Variants in DSG3 observed in about 807,000 individuals in gnomAD.
DSG3 encodes desmoglein 3.
DSG3 carries 63 observed loss-of-function variants against 85.9 expected under a neutral mutation model. The observed-to-expected ratio is 0.73, with a 90% CI of 0.60 to 0.90. DSG3 has a LOEUF of 0.90. Among genes scored for constraint, DSG3 ranks in the 40% least tolerant of loss-of-function variants. DSG3 has a pLI of 0.00. For missense variants in DSG3, 1,220 were observed against 1,219.9 expected (o/e 1.00, Z 0.00); for synonymous variants, 447 against 441.9 (o/e 1.01, Z -0.14).
At chr18:31,453,816 C>T (rs971301227) in intron 1 of DSG3, among the ~76,000 whole-genome samples, 16 of 151,972 alleles carry the variant, frequency 1.1e-4, no homozygotes, top group East Asian at 5.8e-4. Context: ...TCATTCAAAT[C>T]GTCAGAAAAC....
intron 12 of DSG3, among the ~76,000 whole-genome samples, chr18:31,471,131 AT>A (rs1415093644): frequency 6.6e-6 from 1 of 152,214 alleles, no homozygotes; most frequent in Non-Finnish European, 1.5e-5. Flanking sequence ...TGAAGGTCAG[AT>A]TTCGAGCTGT....
At chr18:31,451,901 T>G (rs377419729) in intron 1 of DSG3, among the ~76,000 whole-genome samples, 2 of 152,204 alleles carry the variant, frequency 1.3e-5, no homozygotes, top group Admixed American at 1.3e-4. Flanking sequence ...TAGCCTAAGG[T>G]GAGGCCTTGC....
chr18:31,467,131 A>G (rs1356013080), intron 11 of DSG3, among the ~76,000 whole-genome samples: 1 of 152,186 alleles, frequency 6.6e-6, no homozygotes, highest in Non-Finnish European at 1.5e-5. Flanking sequence ...ATCTGAGTTC[A>G]GGAGTTTGAC....
chr18:31,457,565 CTT>C (rs780634132), intron 3 of DSG3, among the ~76,000 whole-genome samples: 1,150 of 105,092 alleles, frequency 0.011, 17 homozygotes, highest in African/African-American at 0.035. Flanking sequence ...TTCTTTCTTT[CTT>C]TCTTTCTTTC....
chr18:31,465,002 C>T (rs533718232), intron 9 of DSG3, among the ~76,000 whole-genome samples: 1 of 151,766 alleles, frequency 6.6e-6, no homozygotes, highest in East Asian at 1.9e-4. Flanking sequence ...CGTGGTGGTG[C>T]ACACCTGTAA....
chr18:31,448,417 T>A (rs2072691604), intron 1 of DSG3, among the ~76,000 whole-genome samples: 1 of 152,118 alleles, frequency 6.6e-6, no homozygotes, highest in Non-Finnish European at 1.5e-5. Context: ...CTAGAGAAGT[T>A]GGGAGGATTA....
Position 31,454,627 on chromosome 18 carries a change from G to A in DSG3, c.49-1813G>A, listed in dbSNP as rs949517041. Among the ~76,000 whole-genome samples, 3 of 150,938 alleles carry A rather than the reference G, an allele frequency of 2.0e-5. No homozygotes were observed. In the South Asian group the frequency reaches 6.3e-4, roughly 32 times the overall value. Reference sequence around the variant, plus strand: ...AGCAACCATAGTCTTTTGCCAAATAGAAATCTAAATTGACTGTCATATAAT... The same window carrying A: ...AGCAACCATAGTCTTTTGCCAAATAAAAATCTAAATTGACTGTCATATAAT... On this transcript the variant is annotated intron_variant, in intron 1 of 15. Coordinates refer to ENST00000257189, the MANE Select transcript of DSG3 (RefSeq NM_001944.3).
In DSG3 at chr18:31,476,293, T is replaced by G. The variant is rs1178681124; in HGVS notation, c.*33T>G. Reference sequence around the variant, plus strand: ...GAGCTGGAATACCACACTGACCAAATCTGGATCTTTGGACTAAAGTATTCA... The same window carrying G: ...GAGCTGGAATACCACACTGACCAAAGCTGGATCTTTGGACTAAAGTATTCA... On this transcript the variant is annotated 3_prime_UTR_variant, in exon 16 of 16. Transcript: ENST00000257189. 2 of 1,564,756 alleles carry G rather than the reference T, an allele frequency of 1.3e-6. No homozygotes were observed. Among genetic ancestry groups the G allele is most frequent in the Non-Finnish European group, 1.7e-6 (2 of 1,156,146 alleles).
chr18:31,456,485 GA>G lies in DSG3; in HGVS notation c.84+15del. The G allele has an allele frequency of 1.5e-6, 2 of 1,321,356 alleles. No individual in the cohort carries two copies. Among genetic ancestry groups the G allele is most frequent in the South Asian group, 5.8e-5 (2 of 34,510 alleles). The allele number at this position is 1,321,356 out of a possible 1,614,324, so 81.9% of individuals were successfully genotyped here. A position where few individuals can be genotyped will look rare whatever the true frequency, so the allele number is the denominator to read the frequency against. ...AGAATTGCGAATAGAGGTAAAGTAT[GA>G]AAAAGGTTTTTGTACTTAAAATAAT... On this transcript the variant is annotated intron_variant, in intron 2 of 15. Coordinates refer to ENST00000257189, the MANE Select transcript of DSG3 (RefSeq NM_001944.3).
At chr18:31,474,058 A>G in intron 14 of DSG3, 63 bp from the exon 15 acceptor site, 2 of 1,542,242 alleles carry the variant, frequency 1.3e-6, no homozygotes, top group Non-Finnish European at 1.8e-6. Context: ...CCCAAGACCC[A>G]TTTTATAAAA....
chr18:31,465,598 T>A (rs1290261805), intron 10 of DSG3, 141 bp downstream of exon 10: 6 of 764,764 alleles, frequency 7.8e-6, no homozygotes, highest in Non-Finnish European at 1.1e-5. Context: ...GCCTCAAGTT[T>A]GAGGCAGCTG....
rs1305561025 is a variant in DSG3, at chr18:31,459,996, T to C, written c.669T>C (p.Asn223=). Residue 223 remains asparagine, a synonymous_variant, in exon 6 of 16, where the codon AAT becomes AAC. Coordinates refer to ENST00000257189, the MANE Select transcript of DSG3 (RefSeq NM_001944.3). ...CTGGGGAAGTCCGTACTTTGACCAA[T>C]TCTCTTGACCGAGAGGTACAGCAAA... ...RNTGEVRTLT[N]SLDREQASSY... The C allele has an allele frequency of 6.2e-7, 1 of 1,613,584 alleles. No homozygotes were observed. The highest frequency in any genetic ancestry group is 1.3e-5 in the African/African-American group (1 of 74,894).
At chr18:31,457,691 G>A (rs986548864) in intron 3 of DSG3, among the ~76,000 whole-genome samples, 9 of 150,038 alleles carry the variant, frequency 6.0e-5, no homozygotes, top group African/African-American at 2.0e-4. Context: ...GCTGTGGCGC[G>A]ATCTCAGCTC....
intron 1 of DSG3, among the ~76,000 whole-genome samples, chr18:31,455,021 C>CAA (rs541940386): frequency 4.3e-5 from 4 of 94,054 alleles, no homozygotes; most frequent in Non-Finnish European, 7.3e-5. Flanking sequence ...AACTCCGTCT[C>CAA]AAAAAAAAAA....
At chr18:31,466,240 CTGA>C (rs2072817534) in intron 10 of DSG3, among the ~76,000 whole-genome samples, 1 of 152,026 alleles carries the variant, frequency 6.6e-6, no homozygotes, top group Admixed American at 6.5e-5. Flanking sequence ...TATTTTTGTG[CTGA>C]TTTTATTTGA....
rs957773409 is a variant in DSG3, at chr18:31,447,908, G to A, written c.31G>A (p.Ala11Thr). 1.3e-6 allele frequency: 2 copies of A among 1,586,764 alleles called. No individual in the cohort carries two copies. The highest frequency in any genetic ancestry group is 1.1e-5 in the South Asian group (1 of 87,512). ...GGGGCTCTTCCCCAGAACTACAGGGGCTCTGGCCATCTTCGTGGTAAGTCC... is the reference window on the plus strand; with the variant it reads ...GGGGCTCTTCCCCAGAACTACAGGGACTCTGGCCATCTTCGTGGTAAGTCC... MMGLFPRTTG[A>T]LAIFVVVILV... The change falls in exon 1 of 16, where the codon GCT becomes ACT. Residue 11 changes from alanine (A) to threonine (T), a missense_variant. Coordinates refer to ENST00000257189, the MANE Select transcript of DSG3 (RefSeq NM_001944.3).
Position 31,469,097 on chromosome 18 carries a change from G to A in DSG3, c.1645G>A (p.Ala549Thr), listed in dbSNP as rs2072838977. 2 of 1,613,188 alleles carry A rather than the reference G, an allele frequency of 1.2e-6. No individual in the cohort carries two copies. The highest frequency in any genetic ancestry group is 2.2e-5 in the South Asian group (2 of 91,052). Residue 549 changes from alanine to threonine, a missense_variant, in exon 12 of 16, where the codon GCC (alanine) becomes ACC (threonine). Ala to Thr is a moderately conservative substitution (Grantham distance 58). Coordinates refer to ENST00000257189, the MANE Select transcript of DSG3 (RefSeq NM_001944.3). ...TGATTCTTTCTCTACAGCTACCTCG[G>A]CCCTCCTCAGAGCCCAGGAACAGAT... The part of the protein sequence containing the change: ...WSITTLNATS[A>T]LLRAQEQIPP...
Position 31,457,139 on chromosome 18 carries a change from C to A in DSG3, c.216+15C>A. Reference sequence around the variant, plus strand: ...CAATTGCCAAGGTAAGTTATATCAACAGGAGCGTATGAGTTTTTAGAATAA... The same window carrying A: ...CAATTGCCAAGGTAAGTTATATCAAAAGGAGCGTATGAGTTTTTAGAATAA... On this transcript the variant is annotated intron_variant, in intron 3 of 15. Coordinates refer to ENST00000257189, the MANE Select transcript of DSG3 (RefSeq NM_001944.3). 1 of 1,603,868 alleles carries A rather than the reference C, an allele frequency of 6.2e-7. No homozygotes were observed. The highest frequency in any genetic ancestry group is 8.5e-7 in the Non-Finnish European group (1 of 1,177,020).
chr18:31,454,673 G>GTTTTT, intron 1 of DSG3, among the ~76,000 whole-genome samples: 1 of 136,812 alleles, frequency 7.3e-6, no homozygotes, highest in Non-Finnish European at 1.6e-5. Context: ...CCATTAGTTT[G>GTTTTT]TTTTTTTTTT....
Sources: gnomAD v4.1 joint callset for allele counts (sites outside exome capture counted in the v4.1 genomes callset) on GRCh38, gnomAD v4.1.1 for gene constraint, MANE v1.5 for transcripts, NCBI Gene and HGNC (gene_info 2026-07-23, HGNC 2026-07-21) for gene names.